The following MTMR3 variants were observed in gnomAD, a reference collection of about 807,000 sequenced individuals.
MTMR3 encodes myotubularin related protein 3, also known as phosphatidylinositol-3,5-bisphosphate 3-phosphatase MTMR3.
In MTMR3, 32 loss-of-function variants were observed where a neutral mutation model predicts 132.4. That is an observed-to-expected ratio of 0.24 (90% CI 0.18 to 0.32). MTMR3 has a LOEUF of 0.32. MTMR3 is among the 10% of genes least tolerant of loss of function. The probability of loss-of-function intolerance (pLI) is 1.00; values close to 1 mark genes in which losing one functional copy is unlikely to be tolerated. For synonymous variants in MTMR3, 556 were observed against 550.3 expected (o/e 1.01, Z -0.14); for missense variants, 1,216 against 1,489.6 (o/e 0.82, Z 3.02).
intron 5 of MTMR3, chr22:29,983,113 A>G (rs1310037002): frequency 1.3e-5 from 2 of 152,168 alleles, no homozygotes; most frequent in African/African-American, 4.8e-5. Context: ...CACCTTGCAA[A>G]TCAGCAGAAT....
At chr22:29,931,334 C>G (rs1438244306) in intron 1 of MTMR3, among the ~76,000 whole-genome samples, 22 of 152,170 alleles carry the variant, frequency 1.4e-4, no homozygotes, top group Admixed American at 1.4e-3. Flanking sequence ...TTTGGTTGTT[C>G]TGTACATACA....
At chr22:29,912,647 C>T (rs1175334607) in intron 1 of MTMR3, among the ~76,000 whole-genome samples, 1 of 152,154 alleles carries the variant, frequency 6.6e-6, no homozygotes, top group Non-Finnish European at 1.5e-5. Flanking sequence ...TTTACCACCC[C>T]ATTTGCCTGG....
chr22:30,007,613 C>T, intron 10 of MTMR3: 1 of 555,786 alleles, frequency 1.8e-6, no homozygotes, highest in Non-Finnish European at 3.2e-6. Flanking sequence ...GCAGGAAATG[C>T]CAGGCTTCAT....
Position 30,020,085 on chromosome 22 carries a change from T to C in MTMR3, c.2426T>C (p.Val809Ala). 6.2e-7 allele frequency: 1 copy of C among 1,614,192 alleles called. No homozygotes were observed. The highest frequency in any genetic ancestry group is 8.5e-7 in the Non-Finnish European group (1 of 1,180,030). ...ATTGCAGAGGGTAGGGAGGAAGCAG[T>C]TCTTCCAATCCCAGTAGATGCAAAA... ...EEIAEGREEAVLPIPVDAKVG... is the reference protein window; with the variant it reads ...EEIAEGREEAALPIPVDAKVG... The change falls in exon 17 of 20, where the codon GTT (valine) becomes GCT (alanine). Residue 809 changes from valine (V) to alanine (A), a missense_variant. Transcript: ENST00000401950.
chr22:29,923,006 C>A (rs1375355542), intron 1 of MTMR3, among the ~76,000 whole-genome samples: 1 of 149,812 alleles, frequency 6.7e-6, no homozygotes, highest in Non-Finnish European at 1.5e-5. Context: ...TCCAGAGTGG[C>A]TGAGACCACA....
chr22:29,891,119 A>G (rs991088233), intron 1 of MTMR3, among the ~76,000 whole-genome samples: 5 of 94,190 alleles, frequency 5.3e-5, no homozygotes, highest in Admixed American at 2.5e-4. Flanking sequence ...GAGAAAAAGA[A>G]AAAAATTGAG....
chr22:30,013,092 C>T, intron 13 of MTMR3: 1 of 284,164 alleles, frequency 3.5e-6, no homozygotes. Flanking sequence ...ATAGTGAACA[C>T]AAGAGGCTAA....
intron 1 of MTMR3, among the ~76,000 whole-genome samples, chr22:29,956,834 A>G (rs556378493): frequency 1.3e-5 from 2 of 152,244 alleles, no homozygotes; most frequent in Admixed American, 1.3e-4. Context: ...AAGGCATGCT[A>G]AGGCTTGACT....
intron 1 of MTMR3, among the ~76,000 whole-genome samples, chr22:29,893,776 CT>C (rs1282217552): frequency 1.3e-5 from 2 of 151,952 alleles, no homozygotes; most frequent in African/African-American, 4.8e-5. Context: ...GCTTCTTATT[CT>C]TTTAGAGTTT....
Position 29,904,819 on chromosome 22 carries a change from G to GTGTT in MTMR3, c.-138+21461_-138+21462insGTTT, listed in dbSNP as rs1419702036. The stretch of plus-strand genomic sequence containing the variant: ...AATGTTCAGAGGGGTATGTGTGTGT[G>GTGTT]TTGTGTGTGTGTGTGTGTGTGTCTT... On this transcript the variant is annotated intron_variant, in intron 1 of 19. Coordinates refer to ENST00000401950, the MANE Select transcript of MTMR3 (RefSeq NM_021090.4). Among the ~76,000 whole-genome samples, 148 of 93,568 alleles carry GTGTT rather than the reference G, an allele frequency of 1.6e-3. 1 individual carries two copies. The highest frequency in any genetic ancestry group is 4.5e-3 in the African/African-American group (144 of 31,916). 61.4% of individuals were successfully genotyped at this position (93,568 alleles called of 152,430 possible). A position where few individuals can be genotyped will look rare whatever the true frequency, so the allele number is the denominator to read the frequency against.
intron 1 of MTMR3, among the ~76,000 whole-genome samples, chr22:29,896,577 G>A (rs1251246971): frequency 6.6e-6 from 1 of 151,970 alleles, no homozygotes; most frequent in African/African-American, 2.4e-5. Context: ...GATGTTGTGA[G>A]TTGTCTCCAC....
chr22:30,022,268 C>T lies in MTMR3; in HGVS notation c.3336+129C>T. 7 of 706,140 alleles carry T rather than the reference C, an allele frequency of 9.9e-6. No individual in the cohort carries two copies. In the South Asian group the frequency reaches 1.2e-4, roughly 12 times the overall value. 43.7% of individuals were successfully genotyped at this position (706,140 alleles called of 1,614,324 possible). ...AGCACAGCTAGCCCTGAGCCTCTGG[C>T]ACCTTAGCTCCTGGGAACCCACATG... On this transcript the variant is annotated intron_variant, in intron 18 of 19. Transcript: ENST00000401950.
rs1416459917 is a variant in MTMR3 at position 30,002,877 on chromosome 22, T to C, written c.558-3T>C. On this transcript the variant is annotated splice_polypyrimidine_tract_variant and splice_region_variant and intron_variant, in intron 8 of 19. Coordinates refer to ENST00000401950, the MANE Select transcript of MTMR3 (RefSeq NM_021090.4). ...CTCTCCCCACTTCTCATCTTCTCTT[T>C]AGATTATGTGGTAGCTATCCTCAAG... 3.7e-6 allele frequency: 6 copies of C among 1,609,984 alleles called. No individual in the cohort carries two copies. Among genetic ancestry groups the C allele is most frequent in the Non-Finnish European group, 5.1e-6 (6 of 1,176,326 alleles).
At chr22:29,967,981 GTCC>G (rs2066463059) in intron 2 of MTMR3, among the ~76,000 whole-genome samples, 1 of 151,320 alleles carries the variant, frequency 6.6e-6, no homozygotes, top group Non-Finnish European at 1.5e-5. Context: ...CATTTTGTTT[GTCC>G]ATTCATTGAT....
At chr22:29,960,640 A>G (rs2066292727) in intron 2 of MTMR3, among the ~76,000 whole-genome samples, 1 of 152,210 alleles carries the variant, frequency 6.6e-6, no homozygotes, top group Admixed American at 6.5e-5. Context: ...AGCATGTTAT[A>G]TGCATTATAT....
At chr22:29,898,402 A>G (rs1457900087) in intron 1 of MTMR3, among the ~76,000 whole-genome samples, 2 of 152,072 alleles carry the variant, frequency 1.3e-5, no homozygotes, top group Admixed American at 6.6e-5. Flanking sequence ...AGCACCCACT[A>G]GATAGTTATA....
chr22:29,906,165 T>C (rs1407085430), intron 1 of MTMR3, among the ~76,000 whole-genome samples: 1 of 152,108 alleles, frequency 6.6e-6, no homozygotes, highest in African/African-American at 2.4e-5. Context: ...GTTTTCAAAG[T>C]TCATAGGAAA....
chr22:29,944,215 T>G (rs540120189), intron 1 of MTMR3, among the ~76,000 whole-genome samples: 3 of 151,844 alleles, frequency 2.0e-5, no homozygotes, highest in Admixed American at 2.0e-4. Context: ...TTAATATCTT[T>G]TAGATTGGTG....
At position 30,009,091 on chromosome 22, in the gene MTMR3, T is replaced by A; in HGVS notation, c.1083T>A (p.Ser361=). The change falls in exon 12 of 20, where the codon TCT becomes TCA. Residue 361 remains serine (S), a synonymous_variant. Coordinates refer to ENST00000401950, the MANE Select transcript of MTMR3 (RefSeq NM_021090.4). The part of the protein sequence containing the change: ...NIHSIRRSFQ[S]LRLLCTQMPD... ...ATTCTATTCGGAGGAGTTTTCAGTCTCTGCGGTTGCTGTGCACTCAGATGC... is the reference window on the plus strand; with the variant it reads ...ATTCTATTCGGAGGAGTTTTCAGTCACTGCGGTTGCTGTGCACTCAGATGC... The A allele has an allele frequency of 6.2e-7, 1 of 1,613,792 alleles. No homozygotes were observed. Among genetic ancestry groups the A allele is most frequent in the Non-Finnish European group, 8.5e-7 (1 of 1,179,624 alleles).
Sources: gnomAD v4.1 joint callset for allele counts (sites outside exome capture counted in the v4.1 genomes callset) on GRCh38, gnomAD v4.1.1 for gene constraint, MANE v1.5 for transcripts, NCBI Gene and HGNC (gene_info 2026-07-23, HGNC 2026-07-21) for gene names.